Variants in CAMKMT observed in about 807,000 individuals in gnomAD.
CAMKMT encodes CaM KMT.
Under a neutral mutation model 48.0 loss-of-function variants are expected in CAMKMT, and 53 were observed. That is an observed-to-expected ratio of 1.10 (90% CI 0.89 to 1.39). CAMKMT has a LOEUF of 1.39. CAMKMT is among the 40% of genes most tolerant of loss of function. CAMKMT has a pLI of 0.00. For missense variants in CAMKMT, 428 were observed against 402.7 expected, an observed-to-expected ratio of 1.06 and a Z score of -0.54; for synonymous variants, 165 against 152.3, an observed-to-expected ratio of 1.08 and a Z score of -0.61.
intron 3 of CAMKMT, among the ~76,000 whole-genome samples, chr2:44,446,821 T>C (rs1176955073): frequency 6.6e-6 from 1 of 152,236 alleles, no homozygotes; most frequent in Non-Finnish European, 1.5e-5. Context: ...ATCTGAAGTT[T>C]ATCTTCTGTC....
intron 3 of CAMKMT, among the ~76,000 whole-genome samples, chr2:44,493,932 A>T (rs1294628464): frequency 6.6e-6 from 1 of 152,220 alleles, no homozygotes; most frequent in Admixed American, 6.5e-5. Context: ...AACTGGCTAC[A>T]TTTGGATAAT....
chr2:44,456,250 A>C (rs1667557512), intron 3 of CAMKMT, among the ~76,000 whole-genome samples: 1 of 152,198 alleles, frequency 6.6e-6, no homozygotes, highest in Non-Finnish European at 1.5e-5. Flanking sequence ...GTGATGAAGG[A>C]CTTGAATTAC....
At chr2:44,368,050 T>G (rs1304991581) in intron 1 of CAMKMT, among the ~76,000 whole-genome samples, 1 of 152,248 alleles carries the variant, frequency 6.6e-6, no homozygotes, top group African/African-American at 2.4e-5. Context: ...GTTTACCTAA[T>G]GGGTTTAGGG....
chr2:44,400,062 G>T (rs1209110991), intron 3 of CAMKMT, among the ~76,000 whole-genome samples: 1 of 152,160 alleles, frequency 6.6e-6, no homozygotes, highest in Non-Finnish European at 1.5e-5. Flanking sequence ...GTGGTATTCA[G>T]TAAGTATGCA....
At chr2:44,372,449 A>G (rs1009653796) in intron 1 of CAMKMT, among the ~76,000 whole-genome samples, 5 of 147,926 alleles carry the variant, frequency 3.4e-5, no homozygotes, top group African/African-American at 1.2e-4. Flanking sequence ...GCTGCGTGAC[A>G]AAGTAAGATC....
At chr2:44,392,631 G>T (rs1681457931) in intron 3 of CAMKMT, among the ~76,000 whole-genome samples, 1 of 151,858 alleles carries the variant, frequency 6.6e-6, no homozygotes, top group Admixed American at 6.6e-5. Flanking sequence ...CTTTTACCAT[G>T]TAGACATATA....
chr2:44,526,000 C>T (rs1188825835), intron 3 of CAMKMT, among the ~76,000 whole-genome samples: 4 of 151,990 alleles, frequency 2.6e-5, no homozygotes, highest in Non-Finnish European at 5.9e-5. Flanking sequence ...TAATGCTATC[C>T]CTCCCCTCTC....
chr2:44,477,443 C>T (rs905237492), intron 3 of CAMKMT, among the ~76,000 whole-genome samples: 1 of 152,062 alleles, frequency 6.6e-6, no homozygotes, highest in Admixed American at 6.5e-5. Flanking sequence ...ACCATATTTC[C>T]CCACCCTGGT....
intron 3 of CAMKMT, among the ~76,000 whole-genome samples, chr2:44,413,394 C>T (rs1365057894): frequency 2.6e-5 from 4 of 152,010 alleles, no homozygotes; most frequent in Non-Finnish European, 5.9e-5. Flanking sequence ...TGGCTCATGC[C>T]TGTAATCCCA....
intron 3 of CAMKMT, among the ~76,000 whole-genome samples, chr2:44,604,611 A>G (rs1671183700): frequency 6.6e-6 from 1 of 151,144 alleles, no homozygotes; most frequent in African/African-American, 2.4e-5. Flanking sequence ...TGGGCACCCT[A>G]AATACACATA....
At chr2:44,453,587 G>A (rs1314907973) in intron 3 of CAMKMT, among the ~76,000 whole-genome samples, 1 of 152,024 alleles carries the variant, frequency 6.6e-6, no homozygotes, top group Non-Finnish European at 1.5e-5. Context: ...GATAATTTTT[G>A]TCATCTTTAG....
chr2:44,725,428 G>A (rs1678727722), intron 7 of CAMKMT, among the ~76,000 whole-genome samples: 1 of 152,114 alleles, frequency 6.6e-6, no homozygotes, highest in African/African-American at 2.4e-5. Flanking sequence ...CCTTTAGTAA[G>A]CTCAAGATGT....
chr2:44,382,229 C>G (rs1481984656), intron 2 of CAMKMT, among the ~76,000 whole-genome samples: 1 of 152,046 alleles, frequency 6.6e-6, no homozygotes, highest in Non-Finnish European at 1.5e-5. Flanking sequence ...AGGCGTGAGT[C>G]ATCTTGCATT....
chr2:44,655,780 A>C lies in CAMKMT; in HGVS notation c.377-48503A>C, dbSNP rs552773386. On this transcript the variant is annotated intron_variant, in intron 3 of 10. Transcript: ENST00000378494. ...AGGCCATGCTTACCGAGCTTGTTCA[A>C]CTTGATGACATTATGGTTTTCATGA... is the stretch of plus-strand genomic sequence containing the variant. Among the ~76,000 whole-genome samples, 9 of 152,304 alleles carry C rather than the reference A, an allele frequency of 5.9e-5. No individual in the cohort carries two copies. In the South Asian group the frequency reaches 1.7e-3, roughly 28 times the overall value.
chr2:44,414,039 C>T (rs1315501790), intron 3 of CAMKMT, among the ~76,000 whole-genome samples: 1 of 152,118 alleles, frequency 6.6e-6, no homozygotes, highest in Non-Finnish European at 1.5e-5. Flanking sequence ...AGTTGGTAGG[C>T]CTTTTGACTA....
intron 6 of CAMKMT, among the ~76,000 whole-genome samples, chr2:44,708,569 A>G (rs1573130038): frequency 6.6e-6 from 1 of 152,156 alleles, no homozygotes; most frequent in Non-Finnish European, 1.5e-5. Flanking sequence ...CTTTCACACA[A>G]GGGAAGGAGA....
At chr2:44,717,910 C>T (rs1040890104) in intron 7 of CAMKMT, among the ~76,000 whole-genome samples, 6 of 152,026 alleles carry the variant, frequency 3.9e-5, no homozygotes, top group South Asian at 2.1e-4. Context: ...CCCACTACTC[C>T]GATGATGTTC....
chr2:44,573,808 A>G (rs960597606), intron 3 of CAMKMT, among the ~76,000 whole-genome samples: 19 of 152,154 alleles, frequency 1.2e-4, no homozygotes, highest in Admixed American at 1.2e-3. Context: ...AACCAAATGT[A>G]TTAGTTTATT....
chr2:44,430,602 T>A (rs1318221264), intron 3 of CAMKMT, among the ~76,000 whole-genome samples: 1 of 152,034 alleles, frequency 6.6e-6, no homozygotes, highest in Non-Finnish European at 1.5e-5. Flanking sequence ...TAATTAAATG[T>A]AATTGGTTAC....
Sources: gnomAD v4.1 joint callset for allele counts (sites outside exome capture counted in the v4.1 genomes callset) on GRCh38, gnomAD v4.1.1 for gene constraint, MANE v1.5 for transcripts, NCBI Gene and HGNC (gene_info 2026-07-23, HGNC 2026-07-21) for gene names.